Variants in FOXP1 observed in about 807,000 individuals in gnomAD.
FOXP1 encodes the protein forkhead box protein P1.
A neutral mutation model predicts 98.2 loss-of-function variants in FOXP1; 15 were observed. The observed-to-expected ratio is 0.15, with a 90% CI of 0.10 to 0.24. The LOEUF (loss-of-function observed/expected upper bound fraction) is 0.24, where lower values mean the gene tolerates loss of function less well. Ranked by LOEUF, FOXP1 falls within the 10% of genes least tolerant of loss-of-function variation. The pLI is 1.00. For synonymous variants in FOXP1, 371 were observed against 314.5 expected (o/e 1.18, Z -1.90); for missense variants, 633 against 848.5 (o/e 0.75, Z 3.15).
At chr3:71,026,244 G>C (rs2046097612) in intron 11 of FOXP1, among the ~76,000 whole-genome samples, 1 of 151,998 alleles carries the variant, frequency 6.6e-6, no homozygotes, top group Non-Finnish European at 1.5e-5. Context: ...TTTTATTTAA[G>C]AAATGACTTG....
chr3:71,267,751 C>T (rs551546669), intron 5 of FOXP1, among the ~76,000 whole-genome samples: 96 of 152,230 alleles, frequency 6.3e-4, no homozygotes, highest in African/African-American at 2.0e-3. Context: ...GGCGCAGTGG[C>T]TCATGCCTGT....
rs113388074 is a variant in FOXP1, at chr3:71,052,580, A to G, written c.467T>C (p.Leu156Pro). ...FYKKQQEQLQ[L>P]QLLQQQHAGK... Reference sequence around the variant, plus strand: ...AGCATGTTGTTGTTGTAAAAGTTGAAGCTGCAACTGTTCCTGTTGTTTTTT... The same window carrying G: ...AGCATGTTGTTGTTGTAAAAGTTGAGGCTGCAACTGTTCCTGTTGTTTTTT... Residue 156 changes from leucine to proline, a missense_variant, in exon 9 of 21, where the codon CTT (leucine) becomes CCT (proline). Around this residue, in one of 6 missense-constraint regions of FOXP1, gnomAD observed 210 missense variants for 270.6 expected, o/e 0.78. Coordinates refer to ENST00000649528, the MANE Select transcript of FOXP1 (RefSeq NM_001349338.3). 1 of 1,440,096 alleles carries G rather than the reference A, an allele frequency of 6.9e-7. No individual in the cohort carries two copies. Among genetic ancestry groups the G allele is most frequent in the Non-Finnish European group, 9.8e-7 (1 of 1,020,798 alleles). The allele number at this position is 1,440,096 out of a possible 1,614,324, so 89.2% of individuals were successfully genotyped here.
At chr3:71,241,513 T>C (rs577519796) in intron 5 of FOXP1, among the ~76,000 whole-genome samples, 75 of 152,288 alleles carry the variant, frequency 4.9e-4, no homozygotes, top group African/African-American at 1.8e-3. Flanking sequence ...CTCAGCAAGA[T>C]AATGAATCCT....
intron 5 of FOXP1, among the ~76,000 whole-genome samples, chr3:71,264,801 T>A (rs2069485225): frequency 1.3e-5 from 2 of 152,222 alleles, no homozygotes; most frequent in Non-Finnish European, 2.9e-5. Flanking sequence ...AAAATAACTG[T>A]AACATTTATT....
At chr3:71,162,354 G>A (rs888889094) in intron 6 of FOXP1, among the ~76,000 whole-genome samples, 1 of 152,132 alleles carries the variant, frequency 6.6e-6, no homozygotes, top group African/African-American at 2.4e-5. Context: ...CCAGAATTCT[G>A]ATTAACCACT....
chr3:71,396,916 G>GTATATATATATATACACACACATATATA (rs2081417615), intron 3 of FOXP1, among the ~76,000 whole-genome samples: 5 of 89,394 alleles, frequency 5.6e-5, no homozygotes, highest in Admixed American at 1.1e-4. Context: ...ATATATATGT[G>GTATATATATATATACACACACATATATA]TGTATATATA....
intron 3 of FOXP1, among the ~76,000 whole-genome samples, chr3:71,366,423 TA>T (rs1423181426): frequency 6.6e-6 from 1 of 152,126 alleles, no homozygotes; most frequent in Non-Finnish European, 1.5e-5. Flanking sequence ...TGATATAAAA[TA>T]AGCAAGATAG....
At chr3:71,298,491 A>G (rs368714523) in intron 5 of FOXP1, among the ~76,000 whole-genome samples, 1,401 of 134,682 alleles carry the variant, frequency 0.01, 24 homozygotes, top group African/African-American at 0.035. Context: ...AAAAAAAGAA[A>G]AAGAAAAAGA....
At chr3:71,470,634 G>T (rs931225319) in intron 3 of FOXP1, among the ~76,000 whole-genome samples, 1 of 152,140 alleles carries the variant, frequency 6.6e-6, no homozygotes, top group African/African-American at 2.4e-5. Flanking sequence ...AGCTATTTGG[G>T]AGGCTGAGGC....
chr3:70,973,733 G>A (rs953999712), intron 17 of FOXP1, among the ~76,000 whole-genome samples: 6 of 151,784 alleles, frequency 4.0e-5, no homozygotes, highest in South Asian at 2.1e-4. Context: ...CTCAATAGTA[G>A]GTGACTCAAT....
intron 3 of FOXP1, among the ~76,000 whole-genome samples, chr3:71,372,617 T>A (rs927169387): frequency 6.6e-6 from 1 of 152,188 alleles, no homozygotes; most frequent in African/African-American, 2.4e-5. Flanking sequence ...CCTCCTGCCA[T>A]CTACAGCACA....
intron 12 of FOXP1, among the ~76,000 whole-genome samples, chr3:71,010,882 T>C (rs2043511263): frequency 7.2e-6 from 1 of 138,896 alleles, no homozygotes; most frequent in South Asian, 2.5e-4. Flanking sequence ...TGGTTTTTAC[T>C]TGAACCACAG....
At chr3:71,209,899 A>C (rs775928738) in intron 5 of FOXP1, among the ~76,000 whole-genome samples, 2 of 152,226 alleles carry the variant, frequency 1.3e-5, no homozygotes, top group Non-Finnish European at 2.9e-5. Context: ...TAAGCAAAAC[A>C]TACTGAAAAA....
intron 4 of FOXP1, among the ~76,000 whole-genome samples, chr3:71,325,328 C>T (rs555862423): frequency 5.9e-5 from 9 of 152,302 alleles, no homozygotes; most frequent in African/African-American, 2.2e-4. Flanking sequence ...GCTGGGATTA[C>T]AGGCGTGAGC....
At chr3:71,512,881 G>C (rs1262288815) in intron 2 of FOXP1, among the ~76,000 whole-genome samples, 2 of 152,152 alleles carry the variant, frequency 1.3e-5, no homozygotes, top group East Asian at 3.8e-4. Context: ...CACAGAACCA[G>C]CACGCCAGCC....
At chr3:71,267,675 A>G (rs1190731973) in intron 5 of FOXP1, among the ~76,000 whole-genome samples, 1 of 152,264 alleles carries the variant, frequency 6.6e-6, no homozygotes, top group Non-Finnish European at 1.5e-5. Flanking sequence ...AGGTTGAACC[A>G]GGCAAATATT....
At chr3:71,562,361 G>A (rs147875020) in intron 2 of FOXP1, among the ~76,000 whole-genome samples, 1 of 152,318 alleles carries the variant, frequency 6.6e-6, no homozygotes, top group African/African-American at 2.4e-5. Flanking sequence ...ACCATTTTGT[G>A]GGTAAGAAAA....
intron 4 of FOXP1, among the ~76,000 whole-genome samples, chr3:71,352,760 T>C (rs1019035040): frequency 6.6e-6 from 1 of 152,214 alleles, no homozygotes; most frequent in African/African-American, 2.4e-5. Context: ...AAAAAACTGC[T>C]GTTTATTGAG....
At chr3:71,174,745 G>C (rs2061828718) in intron 6 of FOXP1, among the ~76,000 whole-genome samples, 1 of 147,066 alleles carries the variant, frequency 6.8e-6, no homozygotes, top group African/African-American at 2.5e-5. Flanking sequence ...TACAGATAAG[G>C]AATAAGGAGC....
Sources: allele counts gnomAD v4.1 joint callset (sites outside exome capture counted in the v4.1 genomes callset), GRCh38; gene constraint gnomAD v4.1.1; regional missense constraint gnomAD v4.1.1; transcripts MANE v1.5; gene names NCBI Gene and HGNC (gene_info 2026-07-23, HGNC 2026-07-21).